ADCY2: variants seen among roughly 807,000 people sequenced by gnomAD.
The protein encoded by ADCY2 is adenylate cyclase type 2.
In ADCY2, 31 loss-of-function variants were observed where a neutral mutation model predicts 125.2. That is an observed-to-expected ratio of 0.25 (90% CI 0.19 to 0.33). The LOEUF (loss-of-function observed/expected upper bound fraction) is 0.33. ADCY2 is among the 10% of genes least tolerant of loss of function. ADCY2 has a pLI of 1.00. For missense variants in ADCY2, 904 were observed against 1,418.2 expected, an observed-to-expected ratio of 0.64 and a Z score of 5.82; for synonymous variants, 512 against 548.4, an observed-to-expected ratio of 0.93 and a Z score of 0.93.
At chr5:7,453,490 G>A (rs910546332) in intron 2 of ADCY2, among the ~76,000 whole-genome samples, 1 of 152,108 alleles carries the variant, frequency 6.6e-6, no homozygotes, top group Non-Finnish European at 1.5e-5. Context: ...GTCTGCAGCA[G>A]CCTCAATTCT....
intron 18 of ADCY2, among the ~76,000 whole-genome samples, chr5:7,783,505 G>T (rs1476786420): frequency 6.6e-6 from 1 of 151,880 alleles, no homozygotes; most frequent in African/African-American, 2.4e-5. Flanking sequence ...TATCTCGTTT[G>T]TCCTTGAACC....
At chr5:7,588,163 TATC>T (rs140256388) in intron 3 of ADCY2, among the ~76,000 whole-genome samples, 4,186 of 152,194 alleles carry the variant, frequency 0.028, 181 homozygotes, top group African/African-American at 0.095. Flanking sequence ...GTTATAAAAA[TATC>T]ATAAAAGAAA....
intron 4 of ADCY2, among the ~76,000 whole-genome samples, chr5:7,686,502 T>C (rs1267764204): frequency 6.6e-6 from 1 of 152,236 alleles, no homozygotes; most frequent in Non-Finnish European, 1.5e-5. Context: ...AACCTTTGAA[T>C]ATGCCAAAAT....
At chr5:7,642,965 GGAAAT>G (rs1296176238) in intron 4 of ADCY2, among the ~76,000 whole-genome samples, 3 of 151,862 alleles carry the variant, frequency 2.0e-5, no homozygotes, top group African/African-American at 7.3e-5. Flanking sequence ...TTCTAAATGT[GGAAAT>G]GAAAGAACCA....
At chr5:7,533,108 C>T (rs1424996598) in intron 3 of ADCY2, among the ~76,000 whole-genome samples, 12 of 149,064 alleles carry the variant, frequency 8.1e-5, no homozygotes, top group Admixed American at 7.4e-4. Flanking sequence ...TGTATATATA[C>T]ACATATATAC....
intron 2 of ADCY2, among the ~76,000 whole-genome samples, chr5:7,450,339 G>A (rs936271279): frequency 6.6e-6 from 1 of 152,152 alleles, no homozygotes; most frequent in African/African-American, 2.4e-5. Context: ...TATAGAGAAA[G>A]TTTGAGTGGT....
intron 14 of ADCY2, among the ~76,000 whole-genome samples, chr5:7,743,214 A>C: frequency 6.6e-6 from 1 of 151,280 alleles, no homozygotes; most frequent in South Asian, 2.1e-4. Context: ...GAGATTGGGG[A>C]GGGTGAGGAC....
chr5:7,513,452 C>T (rs1288770765), intron 2 of ADCY2, among the ~76,000 whole-genome samples: 5 of 152,074 alleles, frequency 3.3e-5, no homozygotes, highest in Admixed American at 2.6e-4. Context: ...AGTACATTTC[C>T]ACTATACAGC....
At chr5:7,740,999 A>T (rs555625751) in intron 14 of ADCY2, among the ~76,000 whole-genome samples, 1 of 152,258 alleles carries the variant, frequency 6.6e-6, no homozygotes, top group Non-Finnish European at 1.5e-5. Flanking sequence ...CCAAACACTT[A>T]TTCCTTGAGA....
intron 20 of ADCY2, among the ~76,000 whole-genome samples, chr5:7,792,893 C>A (rs1402890328): frequency 6.6e-6 from 1 of 152,200 alleles, no homozygotes; most frequent in Non-Finnish European, 1.5e-5. Context: ...CTGCATGGTG[C>A]CTTCGCACTG....
chr5:7,505,571 A>T (rs1234849956), intron 2 of ADCY2, among the ~76,000 whole-genome samples: 1 of 152,252 alleles, frequency 6.6e-6, no homozygotes, highest in Non-Finnish European at 1.5e-5. Flanking sequence ...AGAAAGCCCC[A>T]CTGAGCCAAC....
chr5:7,597,341 C>T (rs1458416306), intron 3 of ADCY2, among the ~76,000 whole-genome samples: 1 of 152,170 alleles, frequency 6.6e-6, no homozygotes, highest in African/African-American at 2.4e-5. Context: ...AGGCTGCGCC[C>T]AGCTGGGTCC....
chr5:7,736,571 A>G (rs1367521942), intron 14 of ADCY2, among the ~76,000 whole-genome samples: 1 of 152,190 alleles, frequency 6.6e-6, no homozygotes, highest in Non-Finnish European at 1.5e-5. Context: ...AAAAAATGTT[A>G]ACAACTCTTC....
chr5:7,797,146 C>A (rs1286372556), intron 20 of ADCY2: 2 of 152,254 alleles, frequency 1.3e-5, no homozygotes, highest in Non-Finnish European at 2.9e-5. Flanking sequence ...GTCAGGCTAG[C>A]ATGCCCTTGG....
At chr5:7,732,930 T>G (rs1179388750) in intron 14 of ADCY2, among the ~76,000 whole-genome samples, 1 of 152,212 alleles carries the variant, frequency 6.6e-6, no homozygotes, top group Non-Finnish European at 1.5e-5. Context: ...ACTCCTCTTT[T>G]TGGAGCTGCT....
Position 7,396,633 on chromosome 5 carries a change from C to G in ADCY2, c.210+127C>G. On this transcript the variant is annotated intron_variant, in intron 1 of 24. Coordinates refer to ENST00000338316, the MANE Select transcript of ADCY2 (RefSeq NM_020546.3). This position sits in a 1 kb window ranked among gnomAD's most constrained non-coding sequence, Gnocchi z 5.7. ...GGCAGCCCCTCGGCCCGCGGCAGCCCCTCGGCCCGCGGCTCCCTGCTTCTC... is the reference window on the plus strand; with the variant it reads ...GGCAGCCCCTCGGCCCGCGGCAGCCGCTCGGCCCGCGGCTCCCTGCTTCTC... The G allele has an allele frequency of 2.1e-6, 1 of 471,442 alleles. No homozygotes were observed. The highest frequency in any genetic ancestry group is 3.1e-6 in the Non-Finnish European group (1 of 317,910). The allele number at this position is 471,442 out of a possible 1,614,324, so 29.2% of individuals were successfully genotyped here.
chr5:7,540,466 C>T (rs1044564566), intron 3 of ADCY2, among the ~76,000 whole-genome samples: 15 of 152,246 alleles, frequency 9.9e-5, no homozygotes, highest in African/African-American at 2.6e-4. Context: ...CTCTAATTTC[C>T]GCAATACCCC....
intron 22 of ADCY2, among the ~76,000 whole-genome samples, chr5:7,814,550 T>G (rs1745045557): frequency 6.6e-6 from 1 of 152,218 alleles, no homozygotes; most frequent in Non-Finnish European, 1.5e-5. Context: ...CCTGCGTTAC[T>G]GCAATCCCCA....
At chr5:7,415,662 A>G (rs1739911517) in intron 2 of ADCY2, among the ~76,000 whole-genome samples, 1 of 151,768 alleles carries the variant, frequency 6.6e-6, no homozygotes, top group South Asian at 2.1e-4. Context: ...CTGCTGAAAA[A>G]CCCACATTCA....
Sources: gnomAD v4.1 joint callset for allele counts (sites outside exome capture counted in the v4.1 genomes callset) on GRCh38, gnomAD v4.1.1 for gene constraint, Gnocchi (gnomAD v3.1) non-coding constraint, MANE v1.5 for transcripts, NCBI Gene and HGNC (gene_info 2026-07-23, HGNC 2026-07-21) for gene names.